ZNF26: variants seen among roughly 807,000 people sequenced by gnomAD.
ZNF26 encodes epididymis luminal protein 179.
Under a neutral mutation model 54.9 loss-of-function variants are expected in ZNF26, and 32 were observed. The ratio of observed to expected loss-of-function variants is 0.58; its 90% confidence interval spans 0.44 to 0.78. The LOEUF is 0.78. ZNF26 is among the 30% of genes least tolerant of loss of function. ZNF26 has a pLI of 0.00. For synonymous variants in ZNF26, 221 were observed against 209.2 expected (o/e 1.06, Z -0.49); for missense variants, 524 against 634.0 (o/e 0.83, Z 1.86).
In ZNF26 at chr12:133,007,536, G is replaced by GGTGA; in HGVS notation, c.256+10_256+13dup. On this transcript the variant is annotated splice_donor_region_variant and intron_variant, in intron 3 of 3. Coordinates refer to ENST00000328654, the MANE Select transcript of ZNF26 (RefSeq NM_019591.4). ...ATTTCCAGGCAGAGCTGTCCAGGTG[G>GGTGA]GTGAGTGAGAAAGAGGAAGGTGGGA... 1.2e-6 allele frequency: 2 copies of GGTGA among 1,608,712 alleles called. No homozygotes were observed. The highest frequency in any genetic ancestry group is 1.7e-6 in the Non-Finnish European group (2 of 1,176,638).
At chr12:132,987,826 A>G (rs1323480561) in intron 1 of ZNF26, 30 of 725,208 alleles carry the variant, frequency 4.1e-5, no homozygotes, top group Non-Finnish European at 3.4e-6. Flanking sequence ...CTGTTGTGCT[A>G]AAGAAACGAG....
At chr12:133,007,414 C>A in intron 2 of ZNF26, 23 bp from the exon 3 acceptor site, 1 of 1,596,168 alleles carries the variant, frequency 6.3e-7, no homozygotes, top group South Asian at 1.1e-5. Flanking sequence ...TGGTCCCCAC[C>A]CTTTGTGATT....
In ZNF26 at chr12:132,999,349, G is replaced by A. The variant is rs986361769; in HGVS notation, c.34-7693G>A. Among the ~76,000 whole-genome samples, 428 of 152,232 alleles carry A rather than the reference G, an allele frequency of 2.8e-3. 2 individuals are homozygous for A. Among genetic ancestry groups the A allele is most frequent in the African/African-American group, 9.8e-3 (407 of 41,542 alleles). Reference sequence around the variant, plus strand: ...AGCTCACTGCCAACCTCCGCCTCCCGGGTTCAAGTGATTCTCCTGCCTCAG... The same window carrying A: ...AGCTCACTGCCAACCTCCGCCTCCCAGGTTCAAGTGATTCTCCTGCCTCAG... On this transcript the variant is annotated intron_variant, in intron 1 of 3. Coordinates refer to ENST00000328654, the MANE Select transcript of ZNF26 (RefSeq NM_019591.4).
chr12:133,007,253 T>A (rs1953351611), intron 2 of ZNF26, 85 bp downstream of exon 2: 4 of 1,514,014 alleles, frequency 2.6e-6, no homozygotes, highest in Non-Finnish European at 3.6e-6. Flanking sequence ...CCGGGATCTC[T>A]GAAGTGCTTA....
chr12:133,009,395 C>A (rs59482363), intron 3 of ZNF26, among the ~76,000 whole-genome samples: 15,747 of 152,110 alleles, frequency 0.1, 1,059 homozygotes, highest in South Asian at 0.2. Flanking sequence ...GAGTTTGAGA[C>A]CAGCCTGGCC....
intron 1 of ZNF26, among the ~76,000 whole-genome samples, chr12:133,000,313 C>A (rs1475846198): frequency 5.3e-5 from 8 of 151,758 alleles, no homozygotes; most frequent in Non-Finnish European, 1.0e-4. Flanking sequence ...AGTGTAGTGG[C>A]ACGTTCTCGC....
At chr12:132,990,928 G>A (rs1952935455) in intron 1 of ZNF26, among the ~76,000 whole-genome samples, 2 of 151,778 alleles carry the variant, frequency 1.3e-5, no homozygotes, top group East Asian at 3.9e-4. Context: ...GCATGATCAT[G>A]GCTCACTGCA....
At chr12:133,006,226 A>G (rs955989053) in intron 1 of ZNF26, 2 of 985,288 alleles carry the variant, frequency 2.0e-6, no homozygotes, top group African/African-American at 3.5e-5. Flanking sequence ...GGAGCAAGAG[A>G]TGGAAGCCCC....
chr12:132,988,601 C>G (rs1300791535), intron 1 of ZNF26, among the ~76,000 whole-genome samples: 3 of 152,110 alleles, frequency 2.0e-5, no homozygotes, highest in Non-Finnish European at 2.9e-5. Flanking sequence ...GCTTCCGTAT[C>G]CTGTTAGCTA....
rs1953505751 is a variant in ZNF26 at position 133,012,604 on chromosome 12, T to TTTTTTTTTTTTTTTTTTTTTC, written c.*1128_*1129insTTTTTTTTTTTTTTTCTTTTT. ...TTTTTTTTTTTTTTTTTTTTTTTTTTTTTTTGAGACTAAGTTTCACTCTTG... is the reference window on the plus strand; with the variant it reads ...TTTTTTTTTTTTTTTTTTTTTTTTTTTTTTTTTTTTTTTTTTTTTTCTTTTTGAGACTAAGTTTCACTCTTG... On this transcript the variant is annotated 3_prime_UTR_variant, in exon 4 of 4. Transcript: ENST00000328654. The TTTTTTTTTTTTTTTTTTTTTC allele has an allele frequency of 7.3e-6, 1 of 137,892 alleles. No homozygotes were observed. Among genetic ancestry groups the TTTTTTTTTTTTTTTTTTTTTC allele is most frequent in the Admixed American group, 7.3e-5 (1 of 13,750 alleles). 8.5% of individuals were successfully genotyped at this position (137,892 alleles called of 1,614,324 possible).
chr12:133,022,359 G>T lies in ZNF26; in HGVS notation c.*10878G>T, dbSNP rs1953655162. On this transcript the variant is annotated 3_prime_UTR_variant, in exon 4 of 4. Transcript: ENST00000328654. ...TAACAAATTGAATCAATTTTCAGTGGCATCAAAATACAAAATAGATACAAA... is the reference window on the plus strand; with the variant it reads ...TAACAAATTGAATCAATTTTCAGTGTCATCAAAATACAAAATAGATACAAA... The T allele has an allele frequency of 6.6e-5, 10 of 152,056 alleles. No homozygotes were observed. Among genetic ancestry groups the T allele is most frequent in the Admixed American group, 6.6e-4 (10 of 15,258 alleles). The allele number at this position is 152,056 out of a possible 1,614,324, so 9.4% of individuals were successfully genotyped here.
chr12:133,003,535 G>A (rs1164729527), intron 1 of ZNF26, among the ~76,000 whole-genome samples: 2 of 152,144 alleles, frequency 1.3e-5, no homozygotes, highest in African/African-American at 4.8e-5. Context: ...TTACAGGCAT[G>A]AGCCACCGCC....
chr12:132,990,101 TAGTG>T (rs1294269923), intron 1 of ZNF26, among the ~76,000 whole-genome samples: 1 of 151,970 alleles, frequency 6.6e-6, no homozygotes, highest in African/African-American at 2.4e-5. Context: ...CTGGGCAACA[TAGTG>T]AGACCCCATC....
At chr12:132,994,911 T>G (rs1021463589) in intron 1 of ZNF26, among the ~76,000 whole-genome samples, 3 of 152,172 alleles carry the variant, frequency 2.0e-5, no homozygotes, top group African/African-American at 2.4e-5. Flanking sequence ...CCCCGACTTA[T>G]GTAGGTGCCA....
chr12:132,987,678 T>G, intron 1 of ZNF26: 1 of 985,066 alleles, frequency 1.0e-6, no homozygotes, highest in Non-Finnish European at 1.2e-6. Flanking sequence ...GTAACTCACA[T>G]GGGAGGTCTA....
Position 133,024,003 on chromosome 12 carries a change from C to G in ZNF26, c.*12522C>G, listed in dbSNP as rs1299867714. The stretch of plus-strand genomic sequence containing the variant: ...TCTGGCTCCATGAGAAATTCTGACC[C>G]AGAACGGCTCAGTCAGACCTCTCCT... On this transcript the variant is annotated 3_prime_UTR_variant, in exon 4 of 4. Coordinates refer to ENST00000328654, the MANE Select transcript of ZNF26 (RefSeq NM_019591.4). 6 of 152,364 alleles carry G rather than the reference C, an allele frequency of 3.9e-5. No homozygotes were observed. The highest frequency in any genetic ancestry group is 1.4e-4 in the African/African-American group (6 of 41,592). 9.4% of individuals were successfully genotyped at this position (152,364 alleles called of 1,614,324 possible). A position where few individuals can be genotyped will look rare whatever the true frequency, so the allele number is the denominator to read the frequency against.
intron 1 of ZNF26, among the ~76,000 whole-genome samples, chr12:132,992,643 C>A (rs1343269912): frequency 9.9e-5 from 15 of 152,282 alleles, no homozygotes; most frequent in Non-Finnish European, 7.4e-5. Context: ...TTTCGACTTA[C>A]AATATGTTCA....
chr12:133,021,894 TC>T lies in ZNF26; in HGVS notation c.*10414del, dbSNP rs1255447025. Reference sequence around the variant, plus strand: ...AAATTCTATATTACTTTTTAAACTTTCATGTTTTGTGGAGTCATTTCTAAAT... The same window carrying T: ...AAATTCTATATTACTTTTTAAACTTTATGTTTTGTGGAGTCATTTCTAAAT... On this transcript the variant is annotated 3_prime_UTR_variant, in exon 4 of 4. Coordinates refer to ENST00000328654, the MANE Select transcript of ZNF26 (RefSeq NM_019591.4). 1.3e-5 allele frequency: 2 copies of T among 152,224 alleles called. No homozygotes were observed. Among genetic ancestry groups the T allele is most frequent in the African/African-American group, 4.8e-5 (2 of 41,464 alleles). 9.4% of individuals were successfully genotyped at this position (152,224 alleles called of 1,614,324 possible).
intron 1 of ZNF26, 29 bp from the exon 2 acceptor site, chr12:133,007,013 C>G (rs1051507563): frequency 1.2e-6 from 2 of 1,612,472 alleles, no homozygotes; most frequent in Admixed American, 1.7e-5. Context: ...GTAATTGCAT[C>G]CAATTGAACA....
Sources: gnomAD v4.1 joint callset for allele counts (sites outside exome capture counted in the v4.1 genomes callset) on GRCh38, gnomAD v4.1.1 for gene constraint, MANE v1.5 for transcripts, NCBI Gene and HGNC (gene_info 2026-07-23, HGNC 2026-07-21) for gene names.